The following DDX10 variants were observed in gnomAD, a reference collection of about 807,000 sequenced individuals.
DDX10 encodes the protein DEAD-box helicase 10.
A neutral mutation model predicts 104.3 loss-of-function variants in DDX10; 74 were observed. The observed-to-expected ratio is 0.71, with a 90% CI of 0.59 to 0.86. The LOEUF (loss-of-function observed/expected upper bound fraction) is 0.86. Among genes scored for constraint, DDX10 ranks in the 40% least tolerant of loss-of-function variants. The probability of loss-of-function intolerance (pLI) is 0.00; values close to 1 mark genes in which losing one functional copy is unlikely to be tolerated. For missense variants in DDX10, 952 were observed against 1,040.0 expected, an observed-to-expected ratio of 0.92 and a Z score of 1.16; for synonymous variants, 351 against 353.4, an observed-to-expected ratio of 0.99 and a Z score of 0.08.
chr11:108,713,643 C>T (rs572398803), intron 10 of DDX10, among the ~76,000 whole-genome samples: 1 of 152,260 alleles, frequency 6.6e-6, no homozygotes, highest in African/African-American at 2.4e-5. Flanking sequence ...ACATCCCTGC[C>T]ATGTCTGGTT....
At chr11:108,737,380 C>A (rs1196999731) in intron 13 of DDX10, among the ~76,000 whole-genome samples, 1 of 152,110 alleles carries the variant, frequency 6.6e-6, no homozygotes, top group African/African-American at 2.4e-5. Context: ...TTTAGCTTGC[C>A]TGCTGGCTGT....
intron 17 of DDX10, chr11:108,920,147 T>C (rs1237786765): frequency 6.6e-6 from 1 of 152,158 alleles, no homozygotes; most frequent in Non-Finnish European, 1.5e-5. Context: ...GGTTAAATGA[T>C]ACAAGAGATG....
chr11:108,753,920 G>A (rs1175086262), intron 13 of DDX10, among the ~76,000 whole-genome samples: 9 of 151,840 alleles, frequency 5.9e-5, no homozygotes, highest in Admixed American at 5.9e-4. Flanking sequence ...CTGAATACAG[G>A]GTCGGGTGTG....
intron 13 of DDX10, among the ~76,000 whole-genome samples, chr11:108,837,448 C>T (rs1862570211): frequency 1.3e-5 from 2 of 151,992 alleles, no homozygotes; most frequent in African/African-American, 4.8e-5. Flanking sequence ...ATGACCTCTT[C>T]CAACCCCCTA....
intron 13 of DDX10, among the ~76,000 whole-genome samples, chr11:108,744,116 G>A (rs920487717): frequency 6.6e-5 from 10 of 152,002 alleles, no homozygotes; most frequent in Non-Finnish European, 1.5e-5. Context: ...TCAGACCTAC[G>A]ACTCATTTAT....
At chr11:108,675,036 A>G (rs114065580) in intron 2 of DDX10, among the ~76,000 whole-genome samples, 292 of 151,788 alleles carry the variant, frequency 1.9e-3, no homozygotes, top group African/African-American at 6.7e-3. Flanking sequence ...AGGTTCATCC[A>G]TGTTGTTGTA....
intron 13 of DDX10, among the ~76,000 whole-genome samples, chr11:108,819,158 T>A (rs1265919836): frequency 6.6e-6 from 1 of 152,240 alleles, no homozygotes; most frequent in African/African-American, 2.4e-5. Flanking sequence ...TCTGTACAGC[T>A]GCCCTTTTCC....
chr11:108,739,233 C>T (rs909370059), intron 13 of DDX10, among the ~76,000 whole-genome samples: 2 of 152,178 alleles, frequency 1.3e-5, no homozygotes, highest in Non-Finnish European at 2.9e-5. Context: ...CTGAATTTTT[C>T]TGTTTTTGTC....
intron 16 of DDX10, among the ~76,000 whole-genome samples, chr11:108,893,477 T>C (rs1863401996): frequency 6.6e-6 from 1 of 152,070 alleles, no homozygotes; most frequent in African/African-American, 2.4e-5. Context: ...GTGCTAGACA[T>C]TGTTATTGTT....
At chr11:108,900,795 C>G (rs1240276819) in intron 16 of DDX10, among the ~76,000 whole-genome samples, 1 of 152,094 alleles carries the variant, frequency 6.6e-6, no homozygotes, top group African/African-American at 2.4e-5. Context: ...ATCCTGCTTC[C>G]CAAGCTGTAT....
At chr11:108,732,686 G>C (rs1044073806) in intron 13 of DDX10, among the ~76,000 whole-genome samples, 2 of 152,112 alleles carry the variant, frequency 1.3e-5, no homozygotes, top group African/African-American at 2.4e-5. Flanking sequence ...AGGAGAGAGC[G>C]CAGGTGTAGT....
At chr11:108,892,637 CTAT>C (rs1863391632) in intron 16 of DDX10, among the ~76,000 whole-genome samples, 1 of 151,888 alleles carries the variant, frequency 6.6e-6, no homozygotes, top group South Asian at 2.1e-4. Flanking sequence ...TATGTGAGTA[CTAT>C]TATTAATAGA....
At chr11:108,849,336 TG>T (rs1862761800) in intron 15 of DDX10, among the ~76,000 whole-genome samples, 1 of 152,128 alleles carries the variant, frequency 6.6e-6, no homozygotes, top group Non-Finnish European at 1.5e-5. Flanking sequence ...CTGACACAGT[TG>T]CCTGAGAATC....
chr11:108,916,288 T>A (rs554843299), intron 16 of DDX10, among the ~76,000 whole-genome samples: 7 of 152,158 alleles, frequency 4.6e-5, no homozygotes, highest in Non-Finnish European at 1.0e-4. Flanking sequence ...TATGGTGACA[T>A]CCAATTTTTG....
At chr11:108,684,472 T>C (rs2094240466) in intron 6 of DDX10, among the ~76,000 whole-genome samples, 1 of 148,840 alleles carries the variant, frequency 6.7e-6, no homozygotes, top group South Asian at 2.2e-4. Flanking sequence ...GTTCTTGCGA[T>C]AGTTTACTGA....
Position 108,679,484 on chromosome 11 carries a change from A to G in DDX10, c.772A>G (p.Lys258Glu), listed in dbSNP as rs749054158. 6.8e-6 allele frequency: 11 copies of G among 1,613,806 alleles called. No individual in the cohort carries two copies. Among genetic ancestry groups the G allele is most frequent in the Non-Finnish European group, 8.5e-6 (10 of 1,179,988 alleles). Residue 258 changes from lysine to glutamate, a missense_variant, in exon 6 of 18, where the codon AAA becomes GAA. Around this residue, in one of 3 missense-constraint regions of DDX10, gnomAD observed 412 missense variants for 479.2 expected, o/e 0.86. Transcript: ENST00000322536. ...TTTACTTTTCTCAGCAACACAAACT[A>G]AATCTGTAAAGGACCTTGCACGCTT... is the stretch of plus-strand genomic sequence containing the variant. ...QTLLFSATQTKSVKDLARLSL... is the reference protein window; with the variant it reads ...QTLLFSATQTESVKDLARLSL...
chr11:108,697,226 T>A, intron 9 of DDX10, among the ~76,000 whole-genome samples: 1 of 2,060 alleles, frequency 4.9e-4, no homozygotes, highest in East Asian at 0.1. Flanking sequence ...ATATAATGCT[T>A]TTTTTTTTTT....
chr11:108,801,327 A>G (rs895592287), intron 13 of DDX10, among the ~76,000 whole-genome samples: 1 of 152,180 alleles, frequency 6.6e-6, no homozygotes. Flanking sequence ...GTAGTTTTCT[A>G]TTCTGTTGGC....
chr11:108,914,604 T>C (rs1280379024), intron 16 of DDX10, among the ~76,000 whole-genome samples: 3 of 152,166 alleles, frequency 2.0e-5, no homozygotes, highest in Non-Finnish European at 4.4e-5. Context: ...ATCTAGTGTT[T>C]CGGTAATATG....
Sources: allele counts gnomAD v4.1 joint callset (sites outside exome capture counted in the v4.1 genomes callset), GRCh38; gene constraint gnomAD v4.1.1; regional missense constraint gnomAD v4.1.1; transcripts MANE v1.5; gene names NCBI Gene and HGNC (gene_info 2026-07-23, HGNC 2026-07-21).